The following TMEM132B variants were observed in gnomAD, a reference collection of about 807,000 sequenced individuals.
TMEM132B encodes transmembrane protein 132B.
In TMEM132B, 18 loss-of-function variants were observed where a neutral mutation model predicts 90.8. That is an observed-to-expected ratio of 0.20 (90% CI 0.14 to 0.29). TMEM132B has a LOEUF of 0.29. Among genes scored for constraint, TMEM132B ranks in the 10% least tolerant of loss-of-function variants. The pLI is 1.00. For missense variants in TMEM132B, 1,096 were observed against 1,326.8 expected, an observed-to-expected ratio of 0.83 and a Z score of 2.70; for synonymous variants, 504 against 523.3, an observed-to-expected ratio of 0.96 and a Z score of 0.50.
chr12:125,389,352 A>C (rs1212565431), intron 2 of TMEM132B, among the ~76,000 whole-genome samples: 43 of 81,648 alleles, frequency 5.3e-4, no homozygotes, highest in African/African-American at 7.7e-4. Flanking sequence ...CCTCCCCTCA[A>C]CTCCCCTCCC....
chr12:125,224,516 C>T (rs539865059), intron 1 of TMEM132B, among the ~76,000 whole-genome samples: 1 of 152,304 alleles, frequency 6.6e-6, no homozygotes, highest in South Asian at 2.1e-4. Flanking sequence ...GCACTCATCC[C>T]ATTGTCCTCA....
intron 2 of TMEM132B, among the ~76,000 whole-genome samples, chr12:125,394,178 G>A (rs1167484762): frequency 6.6e-6 from 1 of 152,198 alleles, no homozygotes; most frequent in East Asian, 1.9e-4. Flanking sequence ...CAGTGAGGTG[G>A]CTACTATGAT....
chr12:125,412,025 C>A (rs1039406313), intron 2 of TMEM132B, among the ~76,000 whole-genome samples: 4 of 152,174 alleles, frequency 2.6e-5, no homozygotes, highest in East Asian at 1.9e-4. Flanking sequence ...CGGCACCCCC[C>A]GTGCTAGGAA....
At chr12:125,378,962 C>G (rs960519945) in intron 2 of TMEM132B, among the ~76,000 whole-genome samples, 4 of 152,100 alleles carry the variant, frequency 2.6e-5, no homozygotes, top group African/African-American at 9.7e-5. Context: ...TAGCCCCCAC[C>G]CCCCTCAGTC....
At chr12:125,281,913 A>G (rs1875191059) in intron 1 of TMEM132B, among the ~76,000 whole-genome samples, 1 of 151,530 alleles carries the variant, frequency 6.6e-6, no homozygotes, top group African/African-American at 2.4e-5. Flanking sequence ...CTGTAGTCCC[A>G]GCTACTCGGG....
intron 3 of TMEM132B, among the ~76,000 whole-genome samples, chr12:125,503,166 A>G (rs1032845890): frequency 2.6e-5 from 4 of 152,186 alleles, no homozygotes; most frequent in African/African-American, 9.7e-5. Context: ...TTGCAGGTTC[A>G]GATCTGAGAG....
chr12:125,399,152 A>T lies in TMEM132B; in HGVS notation c.960-16379A>T, dbSNP rs543162900. 3.3e-5 allele frequency among the ~76,000 whole-genome samples: 5 copies of T among 152,322 alleles called. No homozygotes were observed. The East Asian group carries it at 9.6e-4, about 29-fold the overall frequency. On this transcript the variant is annotated intron_variant, in intron 2 of 8. Transcript: ENST00000682704. ...CTAGTGAGATGGTCTTATAAACCTA[A>T]TGTGGTCATGGAGTGACATTCCAGT...
At position 125,656,389 on chromosome 12, in the gene TMEM132B, G is replaced by A. The variant is rs1887061758; in HGVS notation, c.*1679G>A. 1 of 152,178 alleles carries A rather than the reference G, an allele frequency of 6.6e-6. No homozygotes were observed. The highest frequency in any genetic ancestry group is 2.4e-5 in the African/African-American group (1 of 41,446). 9.4% of individuals were successfully genotyped at this position (152,178 alleles called of 1,614,324 possible). On this transcript the variant is annotated 3_prime_UTR_variant, in exon 9 of 9. Coordinates refer to ENST00000682704, the MANE Select transcript of TMEM132B (RefSeq NM_001366854.1). ...TTGTTCTCTTATTATAGATTTCCTT[G>A]GGTGGGAACATGACAACCCCGCCTC...
intron 1 of TMEM132B, among the ~76,000 whole-genome samples, chr12:125,278,724 A>G (rs1286175104): frequency 6.6e-6 from 1 of 152,194 alleles, no homozygotes; most frequent in African/African-American, 2.4e-5. Flanking sequence ...AAGGCAAGAT[A>G]TGAAACACTG....
intron 1 of TMEM132B, among the ~76,000 whole-genome samples, chr12:125,216,993 C>T (rs574804552): frequency 2.0e-5 from 3 of 152,358 alleles, no homozygotes; most frequent in African/African-American, 7.2e-5. Context: ...CGCGCAGATG[C>T]CTTCCCTGTA....
intron 3 of TMEM132B, among the ~76,000 whole-genome samples, chr12:125,428,380 AT>A (rs1407177482): frequency 9.9e-5 from 15 of 152,124 alleles, no homozygotes; most frequent in African/African-American, 2.4e-4. Context: ...TTATGTCATT[AT>A]TTTTTATGCA....
chr12:125,240,615 A>G lies in TMEM132B; in HGVS notation c.67+53749A>G, dbSNP rs571884183. On this transcript the variant is annotated intron_variant, in intron 1 of 8. Coordinates refer to ENST00000682704, the MANE Select transcript of TMEM132B (RefSeq NM_001366854.1). Reference sequence around the variant, plus strand: ...TTGGTTCAAGCAGAAGTTTTTAAAAAGGACATGCACCTTACTCTTAGACAG... The same window carrying G: ...TTGGTTCAAGCAGAAGTTTTTAAAAGGGACATGCACCTTACTCTTAGACAG... 3.9e-5 allele frequency among the ~76,000 whole-genome samples: 6 copies of G among 152,282 alleles called. No homozygotes were observed. The East Asian group carries it at 1.2e-3, about 29-fold the overall frequency.
intron 1 of TMEM132B, among the ~76,000 whole-genome samples, chr12:125,297,403 T>C (rs1875698746): frequency 1.3e-5 from 2 of 152,166 alleles, no homozygotes; most frequent in African/African-American, 4.8e-5. Context: ...GTGCCCTGTG[T>C]GGAGCGTCCT....
chr12:125,462,411 A>T (rs966207757), intron 3 of TMEM132B, among the ~76,000 whole-genome samples: 1 of 152,152 alleles, frequency 6.6e-6, no homozygotes. Flanking sequence ...GTCTTCATGG[A>T]GGGGCGAGTC....
intron 2 of TMEM132B, among the ~76,000 whole-genome samples, chr12:125,412,951 C>G (rs967827670): frequency 2.0e-5 from 3 of 152,092 alleles, no homozygotes; most frequent in Admixed American, 1.3e-4. Context: ...CAAGGCATGG[C>G]ATCTGAGTCT....
chr12:125,649,503 T>C lies in TMEM132B; in HGVS notation c.1644-1180T>C, dbSNP rs542810499. Among the ~76,000 whole-genome samples, 3 of 152,330 alleles carry C rather than the reference T, an allele frequency of 2.0e-5. No homozygotes were observed. The East Asian group carries it at 5.8e-4, about 29-fold the overall frequency. ...CACAAACCATGTCTTGGTTTCCTCA[T>C]TGGTAAGATCAGGGAAATAATTCAA... On this transcript the variant is annotated intron_variant, in intron 6 of 8. Coordinates refer to ENST00000682704, the MANE Select transcript of TMEM132B (RefSeq NM_001366854.1).
At chr12:125,615,615 A>T (rs976022432) in intron 5 of TMEM132B, among the ~76,000 whole-genome samples, 2 of 152,140 alleles carry the variant, frequency 1.3e-5, no homozygotes, top group African/African-American at 4.8e-5. Context: ...ACATTGTCAT[A>T]GTGCCTTCTT....
At chr12:125,426,725 G>A (rs976955645) in intron 3 of TMEM132B, among the ~76,000 whole-genome samples, 24 of 152,302 alleles carry the variant, frequency 1.6e-4, no homozygotes, top group African/African-American at 5.1e-4. Context: ...CTTTCGTCAC[G>A]ACCTAGTGGT....
At chr12:125,432,362 C>A in intron 3 of TMEM132B, among the ~76,000 whole-genome samples, 1 of 33,318 alleles carries the variant, frequency 3.0e-5, no homozygotes, top group African/African-American at 8.1e-5. Flanking sequence ...AAGGGAATTC[C>A]TTGAATATAT....
Sources: gnomAD v4.1 joint callset for allele counts (sites outside exome capture counted in the v4.1 genomes callset) on GRCh38, gnomAD v4.1.1 for gene constraint, MANE v1.5 for transcripts, NCBI Gene and HGNC (gene_info 2026-07-23, HGNC 2026-07-21) for gene names.